The following CSNK2A1 variants were observed in gnomAD, a reference collection of about 807,000 sequenced individuals.
The protein encoded by CSNK2A1 is casein kinase II subunit alpha.
CSNK2A1 carries 10 observed loss-of-function variants against 62.9 expected under a neutral mutation model. That is an observed-to-expected ratio of 0.16 (90% confidence interval 0.10 to 0.27). The LOEUF (loss-of-function observed/expected upper bound fraction) is 0.27, where lower values mean the gene tolerates loss of function less well. CSNK2A1 is among the 10% of genes least tolerant of loss of function. CSNK2A1 has a pLI of 1.00. For synonymous variants in CSNK2A1, 124 were observed against 167.8 expected (o/e 0.74, Z 2.02); for missense variants, 160 against 492.0 (o/e 0.33, Z 6.38).
intron 4 of CSNK2A1, chr20:504,819 A>G: frequency 3.1e-6 from 1 of 323,210 alleles, no homozygotes; most frequent in Non-Finnish European, 5.6e-6. Flanking sequence ...GCCTCATTAT[A>G]TAATGAAAAG....
In CSNK2A1 at chr20:475,437, G is replaced by A. The variant is rs1486552735; in HGVS notation, c.*8524C>T. ...ATCATGCCACCGCACTCCAGCCTGG[G>A]TGACAGAGTTAAGACTCTGACTCAA... is the stretch of plus-strand genomic sequence containing the variant. On this transcript the variant is annotated 3_prime_UTR_variant, in exon 14 of 14. Transcript: ENST00000217244. 2 of 148,232 alleles carry A rather than the reference G, an allele frequency of 1.3e-5. No individual in the cohort carries two copies. Among genetic ancestry groups the A allele is most frequent in the African/African-American group, 5.0e-5 (2 of 39,718 alleles). The allele number at this position is 148,232 out of a possible 1,614,324, so 9.2% of individuals were successfully genotyped here. A position where few individuals can be genotyped will look rare whatever the true frequency, so the allele number is the denominator to read the frequency against.
chr20:487,989 T>C (rs148774711), intron 11 of CSNK2A1: 2 of 239,912 alleles, frequency 8.3e-6, no homozygotes, highest in Non-Finnish European at 1.6e-5. Flanking sequence ...GTTAAGTGTA[T>C]AAGTACTATA....
chr20:504,079 T>C, intron 4 of CSNK2A1: 1 of 153,342 alleles, frequency 6.5e-6, no homozygotes. Context: ...CTTGGGAGGC[T>C]AAGGCAGGAG....
intron 11 of CSNK2A1, chr20:487,836 G>A (rs1209674703): frequency 1.0e-5 from 5 of 501,302 alleles, no homozygotes; most frequent in Non-Finnish European, 1.8e-5. Context: ...TTGACAGGAC[G>A]TGACCGCTTC....
intron 1 of CSNK2A1, among the ~76,000 whole-genome samples, chr20:530,416 T>C (rs1485925572): frequency 1.3e-5 from 2 of 152,118 alleles, no homozygotes; most frequent in Admixed American, 1.3e-4. Flanking sequence ...TTTTGGCTAC[T>C]ATGAAATAAT....
chr20:537,413 G>A (rs563021575), intron 1 of CSNK2A1, among the ~76,000 whole-genome samples: 1 of 152,018 alleles, frequency 6.6e-6, no homozygotes, highest in South Asian at 2.1e-4. Context: ...CAGTTAAAAT[G>A]CCACTCTTAG....
chr20:530,671 C>T (rs1001444177), intron 1 of CSNK2A1, among the ~76,000 whole-genome samples: 1 of 152,056 alleles, frequency 6.6e-6, no homozygotes, highest in Non-Finnish European at 1.5e-5. Flanking sequence ...GACAGGGTTT[C>T]GCCATGTTGC....
At chr20:504,883 T>C in intron 4 of CSNK2A1, 1 of 449,480 alleles carries the variant, frequency 2.2e-6, no homozygotes, top group Non-Finnish European at 3.9e-6. Context: ...GTACCTTTGC[T>C]CCCTTACTCT....
intron 2 of CSNK2A1, among the ~76,000 whole-genome samples, chr20:510,655 C>T (rs1189189358): frequency 6.6e-6 from 1 of 152,192 alleles, no homozygotes; most frequent in African/African-American, 2.4e-5. Context: ...TAAAATATTA[C>T]AATAGGTAAA....
At chr20:538,231 G>A (rs564269592) in intron 1 of CSNK2A1, among the ~76,000 whole-genome samples, 9 of 152,294 alleles carry the variant, frequency 5.9e-5, no homozygotes, top group South Asian at 2.1e-4. Context: ...ACAGGTGTGA[G>A]CCACCATGCC....
intron 4 of CSNK2A1, chr20:500,793 C>A (rs972287440): frequency 2.6e-5 from 4 of 152,088 alleles, no homozygotes; most frequent in Admixed American, 2.6e-4. Context: ...CACCCGCCAC[C>A]AGGCCAGGCT....
At chr20:529,056 T>A (rs761654003) in intron 1 of CSNK2A1, among the ~76,000 whole-genome samples, 1 of 152,206 alleles carries the variant, frequency 6.6e-6, no homozygotes, top group Non-Finnish European at 1.5e-5. Context: ...ATGTTTGTTT[T>A]TAGAGACGAG....
chr20:499,283 A>G lies in CSNK2A1; in HGVS notation c.338T>C (p.Phe113Ser), dbSNP rs2018409107. 1.2e-6 allele frequency: 2 copies of G among 1,608,728 alleles called. No homozygotes were observed. Among genetic ancestry groups the G allele is most frequent in the Admixed American group, 1.7e-5 (1 of 59,548 alleles). ...DPVSRTPALV[F>S]EHVNNTDFKQ... ...GAAGTCTGTGTTGTTTACGTGTTCA[A>G]AAACCAAGGCGGGGGTTCGTGACTA... Residue 113 changes from phenylalanine to serine, a missense_variant, in exon 6 of 14, where the codon TTT becomes TCT. By Grantham distance (155) the Phe-to-Ser change is radical. This residue lies in a region of CSNK2A1 where 94 missense variants were observed against 357.6 expected (regional missense o/e 0.26). Coordinates refer to ENST00000217244, the MANE Select transcript of CSNK2A1 (RefSeq NM_177559.3). This position sits in a 1 kb window ranked among gnomAD's most constrained non-coding sequence, Gnocchi z 4.2.
At position 473,524 on chromosome 20, in the gene CSNK2A1, G is replaced by A. The variant is rs1438628770; in HGVS notation, c.*10437C>T. ...TGGTGTCCTTCCCTCCACAGACTAA[G>A]GCTTTTGTCCGGTAGGGGATACAGG... On this transcript the variant is annotated 3_prime_UTR_variant, in exon 14 of 14. Transcript: ENST00000217244. 1 of 152,188 alleles carries A rather than the reference G, an allele frequency of 6.6e-6. No homozygotes were observed. The highest frequency in any genetic ancestry group is 1.5e-5 in the Non-Finnish European group (1 of 68,090). 9.4% of individuals were successfully genotyped at this position (152,188 alleles called of 1,614,324 possible). A position where few individuals can be genotyped will look rare whatever the true frequency, so the allele number is the denominator to read the frequency against.
chr20:497,834 T>C (rs1226614621), intron 6 of CSNK2A1, 54 bp from the exon 7 acceptor site: 1 of 1,503,704 alleles, frequency 6.7e-7, no homozygotes, highest in African/African-American at 1.4e-5. Context: ...AAGGCATTTT[T>C]CACCCTCACT....
intron 2 of CSNK2A1, among the ~76,000 whole-genome samples, chr20:525,867 G>A (rs2019076548): frequency 2.1e-5 from 3 of 143,614 alleles, no homozygotes; most frequent in African/African-American, 2.6e-5. Context: ...AAAGCCAGGT[G>A]TGGTGGCATG....
intron 2 of CSNK2A1, among the ~76,000 whole-genome samples, chr20:520,255 T>C (rs1230659363): frequency 6.6e-6 from 1 of 152,042 alleles, no homozygotes; most frequent in East Asian, 1.9e-4. Context: ...GAAATCCAAA[T>C]GAACCAGAAT....
intron 1 of CSNK2A1, among the ~76,000 whole-genome samples, chr20:530,588 C>T (rs2019192646): frequency 6.6e-6 from 1 of 151,728 alleles, no homozygotes; most frequent in Non-Finnish European, 1.5e-5. Flanking sequence ...ATCCTCCTAC[C>T]TCAGTCTTCC....
At chr20:532,981 T>C (rs570285978) in intron 1 of CSNK2A1, among the ~76,000 whole-genome samples, 2 of 152,334 alleles carry the variant, frequency 1.3e-5, no homozygotes, top group African/African-American at 4.8e-5. Flanking sequence ...TTGTTTTTTT[T>C]CCTCCACTTC....
Sources: gnomAD v4.1 joint callset for allele counts (sites outside exome capture counted in the v4.1 genomes callset) on GRCh38, gnomAD v4.1.1 for gene constraint, gnomAD v4.1.1 regional missense constraint, Gnocchi (gnomAD v3.1) non-coding constraint, MANE v1.5 for transcripts, NCBI Gene and HGNC (gene_info 2026-07-23, HGNC 2026-07-21) for gene names.